ROS1: variants seen among roughly 807,000 people sequenced by gnomAD.
ROS1 encodes the protein ROS proto-oncogene 1, receptor tyrosine kinase.
In ROS1, 263 loss-of-function variants were observed where a neutral mutation model predicts 273.5. The ratio of observed to expected loss-of-function variants is 0.96; its 90% CI spans 0.87 to 1.06. The LOEUF is 1.06. ROS1 is among the 50% of genes least tolerant of loss of function. The pLI is 0.00. For synonymous variants in ROS1, 1,008 were observed against 954.1 expected (o/e 1.06, Z -1.04); for missense variants, 2,833 against 2,751.1 (o/e 1.03, Z -0.67).
chr6:117,382,336 T>C (rs1214869655), intron 17 of ROS1, among the ~76,000 whole-genome samples: 2 of 152,156 alleles, frequency 1.3e-5, no homozygotes, highest in South Asian at 2.1e-4. Flanking sequence ...ATGGCCCATA[T>C]ATGTTATTGG....
chr6:117,380,597 T>A (rs1772045940), intron 17 of ROS1, among the ~76,000 whole-genome samples: 1 of 152,042 alleles, frequency 6.6e-6, no homozygotes, highest in African/African-American at 2.4e-5. Context: ...GTCTATTTCA[T>A]CTATTTTAAA....
In ROS1 at chr6:117,425,630, C is replaced by T. The variant is rs765959775; in HGVS notation, c.27G>A (p.Pro9=). The change falls in exon 1 of 44, where the codon CCG becomes CCA. Residue 9 remains proline (P), a synonymous_variant. Transcript: ENST00000368507. MKNIYCLI[P]KLVNFATLGC... is the part of the protein sequence containing the mutation. ...CAAGAGTTGCAAAATTGACAAGCTT[C>T]GGAATAAGACAGTAAATGTTCTTCA... is the stretch of plus-strand genomic sequence containing the variant. 30 of 1,611,326 alleles carry T rather than the reference C, an allele frequency of 1.9e-5. No homozygotes were observed. Among genetic ancestry groups the T allele is most frequent in the Admixed American group, 5.0e-5 (3 of 59,546 alleles).
chr6:117,345,201 A>T (rs1778273694), intron 27 of ROS1, among the ~76,000 whole-genome samples: 1 of 152,126 alleles, frequency 6.6e-6, no homozygotes, highest in African/African-American at 2.4e-5. Flanking sequence ...CTATCTACAC[A>T]CTGCAGGACT....
rs201532881 is a variant in ROS1, at chr6:117,341,265, G to A, written c.4931C>T (p.Pro1644Leu). Residue 1644 changes from proline to leucine, a missense_variant, in exon 31 of 44, where the codon CCT becomes CTT. Physicochemically the swap from Pro to Leu is moderately conservative, Grantham distance 98. Transcript: ENST00000368507. ...SEEMWCTESH[P>L]VTVEMFNTPE... ...TGTGTTAAACATTTCCACAGTGACAGGATGACTCTCTGTACACCACATTTC... is the reference window on the plus strand; with the variant it reads ...TGTGTTAAACATTTCCACAGTGACAAGATGACTCTCTGTACACCACATTTC... 4 of 1,613,660 alleles carry A rather than the reference G, an allele frequency of 2.5e-6. No homozygotes were observed. In the East Asian group the frequency reaches 6.7e-5, roughly 27 times the overall value.
Position 117,311,098 on chromosome 6 carries a change from GT to G in ROS1, c.6136del (p.Thr2046ProfsTer6). The G allele has an allele frequency of 6.2e-7, 1 of 1,607,938 alleles. No individual in the cohort carries two copies. Among genetic ancestry groups the G allele is most frequent in the South Asian group, 1.1e-5 (1 of 90,122 alleles). On this transcript the variant is annotated frameshift_variant, in exon 40 of 44. Transcript: ENST00000368507. LOFTEE classifies it high-confidence loss of function. ...RMATFYGPLLTLVDLVDLCVD... is the reference protein window; with the variant it reads ...RMATFYGPLLXLVDLVDLCVD... ...ACACAGGTCTACAAGGTCAACCAAG[GT>G]GAGTAAAGGACCATAAAACTGTAAG...
At chr6:117,289,438 C>A (rs1773667414) in intron 43 of ROS1, among the ~76,000 whole-genome samples, 1 of 152,064 alleles carries the variant, frequency 6.6e-6, no homozygotes, top group Admixed American at 6.6e-5. Context: ...GAGGAAAATA[C>A]CATAATTTCA....
chr6:117,371,170 A>C (rs1399918092), intron 18 of ROS1, among the ~76,000 whole-genome samples: 1 of 152,208 alleles, frequency 6.6e-6, no homozygotes, highest in East Asian at 1.9e-4. Flanking sequence ...CCACAGGAAC[A>C]TACCAGGAAA....
chr6:117,380,170 A>T (rs1772006677), intron 17 of ROS1, among the ~76,000 whole-genome samples: 1 of 152,152 alleles, frequency 6.6e-6, no homozygotes, highest in Non-Finnish European at 1.5e-5. Flanking sequence ...GCTGTGAGGT[A>T]TAACCAATAG....
At chr6:117,339,851 C>G (rs1777791468) in intron 31 of ROS1, among the ~76,000 whole-genome samples, 2 of 152,164 alleles carry the variant, frequency 1.3e-5, no homozygotes, top group South Asian at 4.1e-4. Context: ...CTTAATGACT[C>G]CTATTCCTTC....
At chr6:117,307,750 A>G (rs974166289) in intron 42 of ROS1, among the ~76,000 whole-genome samples, 1 of 152,156 alleles carries the variant, frequency 6.6e-6, no homozygotes, top group Non-Finnish European at 1.5e-5. Context: ...CACCAGTAGA[A>G]CATCTAACCA....
Position 117,357,836 on chromosome 6 carries a change from T to C in ROS1, c.3807A>G (p.Thr1269=). Residue 1269 remains threonine (T), a synonymous_variant, in exon 25 of 44, where the codon ACA becomes ACG. Transcript: ENST00000368507. ...REVKIHNRNS[T]IISFSVYPLL... ...GAGGATATACAGAAAAAGAAATTAT[T>C]GTTGAATTCCTATTGTGAATCTTCA... 2 of 1,612,456 alleles carry C rather than the reference T, an allele frequency of 1.2e-6. No homozygotes were observed. The highest frequency in any genetic ancestry group is 1.7e-6 in the Non-Finnish European group (2 of 1,179,034).
Position 117,360,466 on chromosome 6 carries a change from T to A in ROS1, c.3367-61A>T, listed in dbSNP as rs937533142. The A allele has an allele frequency of 7.4e-6, 8 of 1,084,228 alleles. No individual in the cohort carries two copies. In the African/African-American group the frequency reaches 1.3e-4, roughly 17 times the overall value. 67.2% of individuals were successfully genotyped at this position (1,084,228 alleles called of 1,614,324 possible). A position where few individuals can be genotyped will look rare whatever the true frequency, so the allele number is the denominator to read the frequency against. On this transcript the variant is annotated intron_variant, in intron 22 of 43. Coordinates refer to ENST00000368507, the MANE Select transcript of ROS1 (RefSeq NM_001378902.1). ...GTTCTCCGTGGCAACAATTAAGTTC[T>A]GAGACTGAGAGATTACTAAATGTTT...
Position 117,366,224 on chromosome 6 carries a change from C to T in ROS1, c.2649G>A (p.Leu883=). 6.2e-7 allele frequency: 1 copy of T among 1,614,082 alleles called. No individual in the cohort carries two copies. Among genetic ancestry groups the T allele is most frequent in the Non-Finnish European group, 8.5e-7 (1 of 1,179,988 alleles). Residue 883 remains leucine, a synonymous_variant, in exon 19 of 44, where the codon CTG becomes CTA. Transcript: ENST00000368507. Reference sequence around the variant, plus strand: ...AGAACAGCCGACCACTATAGTACATCAGTGCATTCTGGGAAATTTCAGAAG... The same window carrying T: ...AGAACAGCCGACCACTATAGTACATTAGTGCATTCTGGGAAATTTCAGAAG... ...WSTSEISQNA[L]MYYSGRLFWI...
chr6:117,421,323 AGTG>A lies in ROS1; in HGVS notation c.124-2820_124-2818del, dbSNP rs540352379. Among the ~76,000 whole-genome samples, 7 of 151,426 alleles carry A rather than the reference AGTG, an allele frequency of 4.6e-5. No homozygotes were observed. The East Asian group carries it at 1.4e-3, about 29-fold the overall frequency. On this transcript the variant is annotated intron_variant, in intron 1 of 43. Coordinates refer to ENST00000368507, the MANE Select transcript of ROS1 (RefSeq NM_001378902.1). ...TTTTGGTTACATGGATAAATTATAT[AGTG>A]GTGAAGTCTGAGATCTTAGTGCACC...
intron 31 of ROS1, among the ~76,000 whole-genome samples, chr6:117,337,983 C>T (rs1228727294): frequency 2.6e-5 from 4 of 152,084 alleles, no homozygotes; most frequent in Non-Finnish European, 4.4e-5. Flanking sequence ...TGTTTTCATT[C>T]CACTTTAGAT....
chr6:117,289,210 C>T (rs938828639), intron 43 of ROS1, among the ~76,000 whole-genome samples: 1 of 152,174 alleles, frequency 6.6e-6, no homozygotes, highest in Non-Finnish European at 1.5e-5. Flanking sequence ...TTTTATACTT[C>T]CACAGCAACT....
At chr6:117,403,747 A>G (rs948487764) in intron 6 of ROS1, among the ~76,000 whole-genome samples, 1 of 152,154 alleles carries the variant, frequency 6.6e-6, no homozygotes, top group African/African-American at 2.4e-5. Flanking sequence ...GTACTGAAGG[A>G]ATAGTATATA....
At chr6:117,352,194 C>T (rs549481335) in intron 27 of ROS1, among the ~76,000 whole-genome samples, 1 of 152,310 alleles carries the variant, frequency 6.6e-6, no homozygotes, top group African/African-American at 2.4e-5. Flanking sequence ...CATTCTCCTG[C>T]CTCAGCCTCC....
intron 18 of ROS1, among the ~76,000 whole-genome samples, chr6:117,378,376 A>G (rs900578792): frequency 3.3e-5 from 5 of 152,208 alleles, no homozygotes; most frequent in Admixed American, 2.6e-4. Flanking sequence ...ATATATCGCA[A>G]AAGATTGTAT....
Sources: allele counts gnomAD v4.1 joint callset (sites outside exome capture counted in the v4.1 genomes callset), GRCh38; gene constraint gnomAD v4.1.1; transcripts MANE v1.5; gene names NCBI Gene and HGNC (gene_info 2026-07-23, HGNC 2026-07-21).